Variants in AGBL4 observed in about 807,000 individuals in gnomAD.
The protein encoded by AGBL4 is cytosolic carboxypeptidase 6.
Under a neutral mutation model 66.4 loss-of-function variants are expected in AGBL4, and 58 were observed. The observed-to-expected ratio is 0.87, with a 90% CI of 0.71 to 1.09. AGBL4 has a LOEUF of 1.09. AGBL4 is among the 50% of genes least tolerant of loss of function. The pLI, the probability that AGBL4 is intolerant of heterozygous loss-of-function variation, is 0.00. For synonymous variants in AGBL4, 234 were observed against 222.9 expected (o/e 1.05, Z -0.44); for missense variants, 579 against 631.0 (o/e 0.92, Z 0.88).
At chr1:49,052,714 A>C (rs1429476393) in intron 4 of AGBL4, among the ~76,000 whole-genome samples, 1 of 152,178 alleles carries the variant, frequency 6.6e-6, no homozygotes, top group African/African-American at 2.4e-5. Flanking sequence ...AATAACAATA[A>C]TCATTCAGGC....
At chr1:48,754,162 T>C (rs375828638) in intron 6 of AGBL4, among the ~76,000 whole-genome samples, 1 of 152,176 alleles carries the variant, frequency 6.6e-6, no homozygotes, top group South Asian at 2.1e-4. Context: ...ACCGTAGCCT[T>C]GGACTTTGCC....
chr1:48,741,411 C>G (rs1649888448), intron 6 of AGBL4, among the ~76,000 whole-genome samples: 1 of 152,222 alleles, frequency 6.6e-6, no homozygotes, highest in Non-Finnish European at 1.5e-5. Context: ...CTCCAGGCTG[C>G]CGACTTCCAA....
chr1:48,957,178 G>A (rs1415004290), intron 5 of AGBL4, among the ~76,000 whole-genome samples: 2 of 151,970 alleles, frequency 1.3e-5, no homozygotes, highest in Non-Finnish European at 2.9e-5. Flanking sequence ...ACATATATAT[G>A]TACCTATAAG....
At chr1:48,932,912 AACACACAC>A (rs201626426) in intron 5 of AGBL4, among the ~76,000 whole-genome samples, 1 of 151,194 alleles carries the variant, frequency 6.6e-6, no homozygotes, top group African/African-American at 2.4e-5. Context: ...AACAGGTAAA[AACACACAC>A]ACACACACAC....
chr1:48,923,502 A>C (rs1055493634), intron 5 of AGBL4, among the ~76,000 whole-genome samples: 1 of 152,238 alleles, frequency 6.6e-6, no homozygotes, highest in African/African-American at 2.4e-5. Flanking sequence ...GAGGAAGTGC[A>C]CAGCACTGTA....
intron 4 of AGBL4, among the ~76,000 whole-genome samples, chr1:49,098,362 A>T (rs114036937): frequency 0.02 from 3,113 of 152,312 alleles, 37 homozygotes; most frequent in Admixed American, 0.03. Context: ...TGTCTGATCA[A>T]ACTGGACATA....
chr1:50,022,431 T>C (rs1662512365), intron 1 of AGBL4, among the ~76,000 whole-genome samples: 1 of 152,154 alleles, frequency 6.6e-6, no homozygotes. Context: ...GGAATAAGCC[T>C]GTTCAAGTTA....
At chr1:49,864,988 T>A (rs768689955) in intron 1 of AGBL4, among the ~76,000 whole-genome samples, 1 of 152,128 alleles carries the variant, frequency 6.6e-6, no homozygotes, top group Non-Finnish European at 1.5e-5. Context: ...ATGTGGCAGA[T>A]CTTGACCAGA....
At chr1:49,735,457 T>G (rs1216484344) in intron 2 of AGBL4, among the ~76,000 whole-genome samples, 1 of 151,592 alleles carries the variant, frequency 6.6e-6, no homozygotes, top group Non-Finnish European at 1.5e-5. Context: ...ATTCTCCCAT[T>G]GATCCTCCAG....
At chr1:48,975,313 T>G (rs1659230110) in intron 5 of AGBL4, among the ~76,000 whole-genome samples, 1 of 152,172 alleles carries the variant, frequency 6.6e-6, no homozygotes. Flanking sequence ...CAGTTTTTGG[T>G]GGAGCCCACA....
At chr1:49,489,920 T>C (rs1422109684) in intron 3 of AGBL4, among the ~76,000 whole-genome samples, 1 of 151,782 alleles carries the variant, frequency 6.6e-6, no homozygotes, top group Admixed American at 6.6e-5. Flanking sequence ...TTTTGGTCAC[T>C]ATAGCTTTGT....
At chr1:49,013,032 C>G (rs1161229375) in intron 5 of AGBL4, among the ~76,000 whole-genome samples, 1 of 152,178 alleles carries the variant, frequency 6.6e-6, no homozygotes, top group Admixed American at 6.5e-5. Flanking sequence ...TATGGTGCAG[C>G]AAGCAGGCCC....
At chr1:49,832,501 G>A (rs1158954661) in intron 2 of AGBL4, among the ~76,000 whole-genome samples, 4 of 151,064 alleles carry the variant, frequency 2.6e-5, no homozygotes, top group Non-Finnish European at 4.4e-5. Flanking sequence ...TAGTCATTTG[G>A]GTATATACCC....
chr1:49,975,272 T>C (rs1658463331), intron 1 of AGBL4, among the ~76,000 whole-genome samples: 1 of 152,238 alleles, frequency 6.6e-6, no homozygotes, highest in Non-Finnish European at 1.5e-5. Flanking sequence ...TTGGGTATAA[T>C]GAAATTCTAT....
At chr1:49,548,329 C>T (rs1395423709) in intron 3 of AGBL4, among the ~76,000 whole-genome samples, 1 of 152,130 alleles carries the variant, frequency 6.6e-6, no homozygotes, top group East Asian at 1.9e-4. Flanking sequence ...GCTAGGACTT[C>T]CAGTGCTATG....
At chr1:48,568,631 A>G (rs1251730689) in intron 11 of AGBL4, among the ~76,000 whole-genome samples, 1 of 152,164 alleles carries the variant, frequency 6.6e-6, no homozygotes, top group African/African-American at 2.4e-5. Flanking sequence ...GAATACTCCA[A>G]CCACAGCCCT....
At chr1:49,076,128 T>C (rs939204744) in intron 4 of AGBL4, among the ~76,000 whole-genome samples, 1 of 152,210 alleles carries the variant, frequency 6.6e-6, no homozygotes, top group Non-Finnish European at 1.5e-5. Context: ...TGCATTGAGC[T>C]GGCCAAGGGT....
chr1:49,606,660 CT>C (rs909648366), intron 3 of AGBL4, among the ~76,000 whole-genome samples: 5 of 151,980 alleles, frequency 3.3e-5, no homozygotes, highest in Non-Finnish European at 7.4e-5. Context: ...GCAAATTAAG[CT>C]TTATTGTTAT....
chr1:49,555,698 C>A (rs9436436), intron 3 of AGBL4, among the ~76,000 whole-genome samples: 8,928 of 146,718 alleles, frequency 0.061, 844 homozygotes, highest in African/African-American at 0.21. Flanking sequence ...AAAAAAAAAA[C>A]CCATCAAAAA....
Sources: gnomAD v4.1 joint callset for allele counts (sites outside exome capture counted in the v4.1 genomes callset) on GRCh38, gnomAD v4.1.1 for gene constraint, MANE v1.5 for transcripts, NCBI Gene and HGNC (gene_info 2026-07-23, HGNC 2026-07-21) for gene names.